SPIRE1: variants seen among roughly 807,000 people sequenced by gnomAD.
SPIRE1 encodes protein spire homolog 1.
Under a neutral mutation model 94.1 loss-of-function variants are expected in SPIRE1, and 40 were observed. That is an observed-to-expected ratio of 0.43 (90% CI 0.33 to 0.55). The LOEUF (loss-of-function observed/expected upper bound fraction) is 0.55, where lower values mean the gene tolerates loss of function less well. Among genes scored for constraint, SPIRE1 ranks in the 20% least tolerant of loss-of-function variants. The pLI, the probability that SPIRE1 is intolerant of heterozygous loss-of-function variation, is 0.06. For synonymous variants in SPIRE1, 376 were observed against 371.7 expected (o/e 1.01, Z -0.13); for missense variants, 838 against 975.2 (o/e 0.86, Z 1.87).
intron 2 of SPIRE1, among the ~76,000 whole-genome samples, chr18:12,623,428 C>T (rs1458957267): frequency 6.6e-6 from 1 of 152,146 alleles, no homozygotes. Context: ...GCTGGGATTA[C>T]AGGTGTAAGC....
upstream of SPIRE1, among the ~76,000 whole-genome samples, chr18:12,661,591 G>C (rs1186407386): frequency 6.6e-6 from 1 of 151,916 alleles, no homozygotes; most frequent in Admixed American, 6.6e-5. Flanking sequence ...GGCCAACATG[G>C]TGAAACCTCG....
At chr18:12,459,495 T>C (rs78093995) in intron 12 of SPIRE1, among the ~76,000 whole-genome samples, 3 of 152,350 alleles carry the variant, frequency 2.0e-5, no homozygotes, top group Non-Finnish European at 4.4e-5. Flanking sequence ...GACTCTGCTA[T>C]ACAATTAGGT....
rs1422155412 is a variant in SPIRE1 at position 12,448,562 on chromosome 18, C to A, written c.*1076G>T. On this transcript the variant is annotated 3_prime_UTR_variant, in exon 17 of 17. Transcript: ENST00000409402. This position sits in a 1 kb window ranked among gnomAD's most constrained non-coding sequence, Gnocchi z 4.4. The stretch of plus-strand genomic sequence containing the variant: ...ACAAGGAAAACTAGTGCAGAAAGCA[C>A]CCCAAAAATGTTGCCTGTCAGCAGG... 1.3e-5 allele frequency: 2 copies of A among 152,164 alleles called. No individual in the cohort carries two copies. The highest frequency in any genetic ancestry group is 2.9e-5 in the Non-Finnish European group (2 of 68,032). The allele number at this position is 152,164 out of a possible 1,614,324, so 9.4% of individuals were successfully genotyped here.
intron 1 of SPIRE1, among the ~76,000 whole-genome samples, chr18:12,649,080 C>T (rs1316443756): frequency 6.6e-6 from 1 of 151,952 alleles, no homozygotes; most frequent in Admixed American, 6.6e-5. Flanking sequence ...TATCTGCATT[C>T]TCTTTTCAAC....
At chr18:12,484,582 T>C (rs1033655029) in intron 9 of SPIRE1, among the ~76,000 whole-genome samples, 16 of 152,168 alleles carry the variant, frequency 1.1e-4, no homozygotes, top group Admixed American at 1.0e-3. Flanking sequence ...TAAATATGAA[T>C]TTGTACGTAA....
At chr18:12,647,044 CAAAAAAAA>C in intron 1 of SPIRE1, among the ~76,000 whole-genome samples, 1 of 78,448 alleles carries the variant, frequency 1.3e-5, no homozygotes, top group South Asian at 4.2e-4. Flanking sequence ...AACTCTGACT[CAAAAAAAA>C]AAAAAAAAGC....
intron 1 of SPIRE1, 81 bp from the exon 2 acceptor site, chr18:12,635,177 G>T: frequency 2.7e-6 from 2 of 746,002 alleles, no homozygotes; most frequent in East Asian, 2.8e-5. Context: ...AGCTTCTCTG[G>T]CTATGGCTTT....
At chr18:12,563,407 G>T (rs1284422861) in intron 2 of SPIRE1, among the ~76,000 whole-genome samples, 1 of 151,968 alleles carries the variant, frequency 6.6e-6, no homozygotes, top group East Asian at 1.9e-4. Context: ...CATCAGCCTA[G>T]AACTCTTGGC....
At chr18:12,509,553 G>A (rs2033956543) in intron 5 of SPIRE1, among the ~76,000 whole-genome samples, 1 of 152,096 alleles carries the variant, frequency 6.6e-6, no homozygotes. Flanking sequence ...CAGCTTTTAA[G>A]ACAATGTAGG....
chr18:12,470,838 G>A (rs1206649925), intron 10 of SPIRE1, among the ~76,000 whole-genome samples: 1 of 152,016 alleles, frequency 6.6e-6, no homozygotes, highest in Non-Finnish European at 1.5e-5. Flanking sequence ...GAGGCTGGCT[G>A]ATCCTCACTG....
At chr18:12,642,405 C>A (rs1487811138) in intron 1 of SPIRE1, among the ~76,000 whole-genome samples, 1 of 152,108 alleles carries the variant, frequency 6.6e-6, no homozygotes, top group Non-Finnish European at 1.5e-5. Context: ...AAATCCCTTA[C>A]CTTTCAAAAA....
chr18:12,633,463 C>A (rs903873235), intron 2 of SPIRE1, among the ~76,000 whole-genome samples: 2 of 151,828 alleles, frequency 1.3e-5, no homozygotes, highest in African/African-American at 2.4e-5. Flanking sequence ...GTAGTCCCAG[C>A]GACTCGGGAA....
intron 1 of SPIRE1, among the ~76,000 whole-genome samples, chr18:12,635,373 A>ATAT (rs937316430): frequency 6.6e-6 from 1 of 152,176 alleles, no homozygotes; most frequent in African/African-American, 2.4e-5. Flanking sequence ...CAGATATATA[A>ATAT]ATCAATCAAA....
At position 12,464,938 on chromosome 18, in the gene SPIRE1, C is replaced by G. The variant is rs777249234; in HGVS notation, c.1425G>C (p.Ser475=). The G allele has an allele frequency of 1.2e-6, 2 of 1,613,842 alleles. No homozygotes were observed. The highest frequency in any genetic ancestry group is 1.7e-6 in the Non-Finnish European group (2 of 1,180,008). Residue 475 remains serine, a synonymous_variant, in exon 11 of 17, where the codon TCG becomes TCC. Coordinates refer to ENST00000409402, the MANE Select transcript of SPIRE1 (RefSeq NM_001128626.2). ...AGGGAGACACGCTGCTGCTGCTGGT[C>G]GACTTGTGCAGCGTTTCTTCCTGAG... ...SESEEETLHK[S]TSSSSVSPSF...
At chr18:12,660,744 C>G (rs2038680917), upstream of SPIRE1, among the ~76,000 whole-genome samples, 1 of 151,794 alleles carries the variant, frequency 6.6e-6, no homozygotes, top group Non-Finnish European at 1.5e-5. Context: ...CAGTTATATC[C>G]AACAGAAGGG....
intron 2 of SPIRE1, among the ~76,000 whole-genome samples, chr18:12,577,223 C>T (rs2144511240): frequency 6.9e-6 from 1 of 144,686 alleles, no homozygotes; most frequent in Admixed American, 6.8e-5. Flanking sequence ...TCTCGGCTCA[C>T]TGCAAGCTCC....
intron 2 of SPIRE1, among the ~76,000 whole-genome samples, chr18:12,565,814 T>A (rs2035803801): frequency 6.6e-6 from 1 of 151,730 alleles, no homozygotes; most frequent in East Asian, 2.0e-4. Flanking sequence ...GGCAGGCAGA[T>A]CATGAGGTCA....
chr18:12,559,200 G>A lies in SPIRE1; in HGVS notation c.373-12296C>T, dbSNP rs548532309. The stretch of plus-strand genomic sequence containing the variant: ...GGGTGGGGTGGGGTGGGGGGGCGCC[G>A]GCATGGCAGGCTGCAGGTCCCGAGC... On this transcript the variant is annotated intron_variant, in intron 2 of 16. Coordinates refer to ENST00000409402, the MANE Select transcript of SPIRE1 (RefSeq NM_001128626.2). The surrounding 1 kb of genome is among the most constrained non-coding windows in gnomAD (Gnocchi z 4.7). Among the ~76,000 whole-genome samples the A allele has an allele frequency of 6.2e-4, 94 of 152,180 alleles. No homozygotes were observed. The highest frequency in any genetic ancestry group is 8.5e-4 in the Non-Finnish European group (58 of 67,964).
upstream of SPIRE1, among the ~76,000 whole-genome samples, chr18:12,659,539 G>A (rs2038651798): frequency 6.6e-6 from 1 of 152,010 alleles, no homozygotes; most frequent in Admixed American, 6.6e-5. Context: ...GTGTGGTGAC[G>A]CACGCTTGTA....
Sources: allele counts gnomAD v4.1 joint callset (sites outside exome capture counted in the v4.1 genomes callset), GRCh38; gene constraint gnomAD v4.1.1; non-coding constraint Gnocchi (gnomAD v3.1); transcripts MANE v1.5; gene names NCBI Gene and HGNC (gene_info 2026-07-23, HGNC 2026-07-21).